Variants in NFIC observed in about 807,000 individuals in gnomAD.
NFIC encodes the protein nuclear factor I C, also known as nuclear factor 1 C-type.
NFIC carries 12 observed loss-of-function variants against 54.4 expected under a neutral mutation model. That is an observed-to-expected ratio of 0.22 (90% CI 0.14 to 0.36). The LOEUF (loss-of-function observed/expected upper bound fraction) is 0.36, where lower values mean the gene tolerates loss of function less well. Ranked by LOEUF, NFIC falls within the 10% of genes least tolerant of loss-of-function variation. NFIC has a pLI of 1.00. For missense variants in NFIC, 575 were observed against 718.2 expected (o/e 0.80, Z 2.28); for synonymous variants, 322 against 319.2 (o/e 1.01, Z -0.09).
In NFIC at chr19:3,467,768, T is replaced by C. The variant is rs1257643460; in HGVS notation, c.*4999T>C. 1 of 130,354 alleles carries C rather than the reference T, an allele frequency of 7.7e-6. No individual in the cohort carries two copies. The allele number at this position is 130,354 out of a possible 1,614,324, so 8.1% of individuals were successfully genotyped here. A position where few individuals can be genotyped will look rare whatever the true frequency, so the allele number is the denominator to read the frequency against. ...TAGGGCTATACTATACATATATATA[T>C]ATATATATATATATATATATAATTT... On this transcript the variant is annotated 3_prime_UTR_variant, in exon 11 of 11. Transcript: ENST00000443272.
intron 2 of NFIC, among the ~76,000 whole-genome samples, chr19:3,414,992 G>A (rs1046010565): frequency 1.1e-4 from 16 of 151,562 alleles, no homozygotes; most frequent in South Asian, 2.1e-4. Context: ...GGTGCCTGCC[G>A]CCACACCCGG....
chr19:3,437,218 A>T (rs1310625942), intron 6 of NFIC, among the ~76,000 whole-genome samples: 1 of 152,086 alleles, frequency 6.6e-6, no homozygotes, highest in Non-Finnish European at 1.5e-5. Context: ...ATACAAAAAA[A>T]ATAGCCGGGC....
rs2081218129 is a variant in NFIC, at chr19:3,381,990, C to G, written c.309C>G (p.Gly103=). The change falls in exon 2 of 11, where the codon GGC becomes GGG. Residue 103 remains glycine (G), a synonymous_variant. Transcript: ENST00000443272. The part of the protein sequence containing the change: ...VLSITGKKAP[G]CVLSNPDQKG... ...GCATCACCGGCAAGAAGGCGCCGGG[C>G]TGCGTGCTCTCCAACCCCGACCAGA... 1 of 1,613,382 alleles carries G rather than the reference C, an allele frequency of 6.2e-7. No homozygotes were observed. Among genetic ancestry groups the G allele is most frequent in the African/African-American group, 1.3e-5 (1 of 74,948 alleles).
Position 3,428,171 on chromosome 19 carries a change from C to CA in NFIC, c.634+3008dup, listed in dbSNP as rs71164700. ...GGCAACAAGAGTAAAAACTCCGTCT[C>CA]AAAAAAAAAAAAAAGAAAAGAAAAG... is the stretch of plus-strand genomic sequence containing the variant. On this transcript the variant is annotated intron_variant, in intron 3 of 10. Coordinates refer to ENST00000443272, the MANE Select transcript of NFIC (RefSeq NM_001245002.2). Among the ~76,000 whole-genome samples the CA allele has an allele frequency of 4.0e-3, 494 of 122,124 alleles. 1 individual carries two copies. Among genetic ancestry groups the CA allele is most frequent in the African/African-American group, 0.013 (399 of 29,938 alleles). 80.1% of individuals were successfully genotyped at this position (122,124 alleles called of 152,430 possible). A position where few individuals can be genotyped will look rare whatever the true frequency, so the allele number is the denominator to read the frequency against.
chr19:3,424,416 G>T (rs923308269), intron 2 of NFIC, among the ~76,000 whole-genome samples: 1 of 151,892 alleles, frequency 6.6e-6, no homozygotes, highest in Non-Finnish European at 1.5e-5. Flanking sequence ...AACTCCAGTC[G>T]CCCAGACTGG....
intron 3 of NFIC, among the ~76,000 whole-genome samples, chr19:3,427,860 A>T (rs1432608718): frequency 6.7e-6 from 1 of 149,352 alleles, no homozygotes; most frequent in African/African-American, 2.5e-5. Flanking sequence ...AAAGAAAGAA[A>T]GAAAAGAAAG....
chr19:3,452,347 G>GT lies in NFIC; in HGVS notation c.1085-128dup, dbSNP rs974179484. ...GTGTCAATGTGGTCAGTGCTGCTGGGTTTTTTTGGTGGTTATTGTTACTAA... is the reference window on the plus strand; with the variant it reads ...GTGTCAATGTGGTCAGTGCTGCTGGGTTTTTTTTGGTGGTTATTGTTACTAA... On this transcript the variant is annotated intron_variant, in intron 7 of 10. Transcript: ENST00000443272. This position sits in a 1 kb window ranked among gnomAD's most constrained non-coding sequence, Gnocchi z 5.3. 14 of 1,207,430 alleles carry GT rather than the reference G, an allele frequency of 1.2e-5. No individual in the cohort carries two copies. Among genetic ancestry groups the GT allele is most frequent in the African/African-American group, 9.0e-5 (6 of 66,416 alleles). 74.8% of individuals were successfully genotyped at this position (1,207,430 alleles called of 1,614,324 possible). A position where few individuals can be genotyped will look rare whatever the true frequency, so the allele number is the denominator to read the frequency against.
chr19:3,456,650 G>T lies in NFIC; in HGVS notation c.1509+15G>T. 6.6e-7 allele frequency: 1 copy of T among 1,517,510 alleles called. No individual in the cohort carries two copies. The highest frequency in any genetic ancestry group is 8.9e-7 in the Non-Finnish European group (1 of 1,117,894). The allele number at this position is 1,517,510 out of a possible 1,614,324, so 94.0% of individuals were successfully genotyped here. A position where few individuals can be genotyped will look rare whatever the true frequency, so the allele number is the denominator to read the frequency against. On this transcript the variant is annotated intron_variant, in intron 10 of 10. Transcript: ENST00000443272. ...ATCAGGCACAGGTAGGGGCCGAGAG[G>T]CCGGCTGGTGGGGTGGGAGGGGCAG...
At chr19:3,395,483 C>A (rs192666816) in intron 2 of NFIC, among the ~76,000 whole-genome samples, 1 of 143,750 alleles carries the variant, frequency 7.0e-6, no homozygotes, top group East Asian at 2.0e-4. Flanking sequence ...GCGCATACCA[C>A]CATGGTTGAT....
At chr19:3,388,179 T>C (rs974293402) in intron 2 of NFIC, among the ~76,000 whole-genome samples, 4 of 151,436 alleles carry the variant, frequency 2.6e-5, no homozygotes, top group Admixed American at 2.6e-4. Flanking sequence ...CCCGGGAAGC[T>C]CATAGCACGC....
At chr19:3,382,541 T>C (rs1290919032) in intron 2 of NFIC, among the ~76,000 whole-genome samples, 2 of 151,110 alleles carry the variant, frequency 1.3e-5, no homozygotes, top group African/African-American at 4.9e-5. Flanking sequence ...GGCCAGTGCA[T>C]ATAGATGTGA....
At chr19:3,360,721 CT>C (rs1248946706) in intron 1 of NFIC, among the ~76,000 whole-genome samples, 1 of 151,752 alleles carries the variant, frequency 6.6e-6, no homozygotes, top group African/African-American at 2.4e-5. Context: ...CTTTGGATAA[CT>C]GGGCGACTGT....
chr19:3,365,440 G>C (rs2080867376), upstream of NFIC, among the ~76,000 whole-genome samples: 1 of 152,218 alleles, frequency 6.6e-6, no homozygotes, highest in South Asian at 2.1e-4. Context: ...GAGAGACACA[G>C]CAGCCTCTGA....
chr19:3,419,571 C>T (rs933454734), intron 2 of NFIC, among the ~76,000 whole-genome samples: 5 of 152,022 alleles, frequency 3.3e-5, no homozygotes, highest in African/African-American at 1.2e-4. Flanking sequence ...AAGTTTGAGA[C>T]CAGCCTGGCC....
At chr19:3,387,453 G>A (rs1028850142) in intron 2 of NFIC, among the ~76,000 whole-genome samples, 2 of 152,058 alleles carry the variant, frequency 1.3e-5, no homozygotes, top group African/African-American at 2.4e-5. Flanking sequence ...CCAAGATCGC[G>A]ACACTGCACT....
Position 3,433,498 on chromosome 19 carries a change from C to T in NFIC, c.635-20C>T, listed in dbSNP as rs777682458. ...ACAGGCCCAGCTCAGCCTACTGACC[C>T]CGCTGTCTTCCTGTTCCAGACACGA... On this transcript the variant is annotated intron_variant, in intron 3 of 10. Transcript: ENST00000443272. 1.2e-6 allele frequency: 2 copies of T among 1,613,090 alleles called. No homozygotes were observed. Among genetic ancestry groups the T allele is most frequent in the East Asian group, 4.5e-5 (2 of 44,856 alleles).
chr19:3,405,500 C>T (rs537334878), intron 2 of NFIC, among the ~76,000 whole-genome samples: 3 of 152,298 alleles, frequency 2.0e-5, no homozygotes, highest in African/African-American at 7.2e-5. Context: ...CTGACAGCTG[C>T]TTCCCTCCTT....
rs1304231438 is a variant in NFIC at position 3,369,237 on chromosome 19, C to T, written c.30+2571C>T. 6.6e-6 allele frequency among the ~76,000 whole-genome samples: 1 copy of T among 151,776 alleles called. No homozygotes were observed. The highest frequency in any genetic ancestry group is 1.9e-4 in the East Asian group (1 of 5,190). On this transcript the variant is annotated intron_variant, in intron 1 of 10. Coordinates refer to ENST00000443272, the MANE Select transcript of NFIC (RefSeq NM_001245002.2). This position sits in a 1 kb window ranked among gnomAD's most constrained non-coding sequence, Gnocchi z 4.3. ...CTGTCTCTGTCTCTCTGCCCCCTTC[C>T]TCTCTGTCTCTGTTTCTCTCCAATA...
chr19:3,460,539 C>T (rs915694322), intron 10 of NFIC, among the ~76,000 whole-genome samples: 3 of 151,692 alleles, frequency 2.0e-5, no homozygotes, highest in Admixed American at 6.6e-5. Context: ...TGTTTTGAGA[C>T]GGAGTCTTAT....
Sources: allele counts gnomAD v4.1 joint callset (sites outside exome capture counted in the v4.1 genomes callset), GRCh38; gene constraint gnomAD v4.1.1; non-coding constraint Gnocchi (gnomAD v3.1); transcripts MANE v1.5; gene names NCBI Gene and HGNC (gene_info 2026-07-23, HGNC 2026-07-21).